Variants in NEDD4 observed in about 807,000 individuals in gnomAD.
The protein encoded by NEDD4 is E3 ubiquitin-protein ligase NEDD4.
A neutral mutation model predicts 144.9 loss-of-function variants in NEDD4; 99 were observed. That is an observed-to-expected ratio of 0.68 (90% CI 0.58 to 0.81). The LOEUF is 0.81. NEDD4 is among the 30% of genes least tolerant of loss of function. The pLI, the probability that NEDD4 is intolerant of heterozygous loss-of-function variation, is 0.00. For synonymous variants in NEDD4, 318 were observed against 350.6 expected (o/e 0.91, Z 1.04); for missense variants, 985 against 1,065.9 (o/e 0.92, Z 1.06).
chr15:55,859,977 A>T (rs974209203), intron 11 of NEDD4, among the ~76,000 whole-genome samples: 9 of 152,176 alleles, frequency 5.9e-5, no homozygotes, highest in African/African-American at 2.2e-4. Flanking sequence ...AAATCATAGA[A>T]TTATCCCTGC....
chr15:55,949,695 G>C (rs369110317), intron 4 of NEDD4, among the ~76,000 whole-genome samples: 18 of 152,016 alleles, frequency 1.2e-4, no homozygotes, highest in South Asian at 4.2e-4. Flanking sequence ...GCAAACTGTC[G>C]CAGGGACAAA....
intron 5 of NEDD4, among the ~76,000 whole-genome samples, chr15:55,905,717 T>C (rs2036068462): frequency 1.3e-5 from 2 of 152,176 alleles, no homozygotes; most frequent in South Asian, 4.1e-4. Context: ...CACTTGTTGA[T>C]GGGGTTGTTT....
At chr15:55,879,617 A>G (rs1281678225) in intron 5 of NEDD4, among the ~76,000 whole-genome samples, 1 of 152,224 alleles carries the variant, frequency 6.6e-6, no homozygotes, top group African/African-American at 2.4e-5. Flanking sequence ...CTGATGAATA[A>G]GAATCAAGTC....
At chr15:55,831,847 T>C (rs2032966304) in intron 27 of NEDD4, among the ~76,000 whole-genome samples, 1 of 152,220 alleles carries the variant, frequency 6.6e-6, no homozygotes, top group Non-Finnish European at 1.5e-5. Context: ...TTGTTCTGAG[T>C]AGGCCTCCTA....
At chr15:55,959,306 T>C (rs1430538499) in intron 2 of NEDD4, among the ~76,000 whole-genome samples, 1 of 152,220 alleles carries the variant, frequency 6.6e-6, no homozygotes, top group African/African-American at 2.4e-5. Flanking sequence ...ATCTGCAGTT[T>C]TTCTAGATCT....
At position 55,830,538 on chromosome 15, in the gene NEDD4, T is replaced by C; in HGVS notation, c.2576A>G (p.Glu859Gly). The change falls in exon 28 of 29, where the codon GAA (glutamate) becomes GGA (glycine). Residue 859 changes from glutamate to glycine, a missense_variant. By Grantham distance (98) the Glu-to-Gly change is moderately conservative. Transcript: ENST00000435532. Reference sequence around the variant, plus strand: ...CCAGGTATGAGCTCTTGGCAGCTTTTCAGGAGTACCCCACTGTTCAACTGT... The same window carrying C: ...CCAGGTATGAGCTCTTGGCAGCTTTCCAGGAGTACCCCACTGTTCAACTGT... ...SFTVEQWGTPEKLPRAHTCFN... is the reference protein window; with the variant it reads ...SFTVEQWGTPGKLPRAHTCFN... 1 of 1,614,150 alleles carries C rather than the reference T, an allele frequency of 6.2e-7. No homozygotes were observed.
intron 27 of NEDD4, among the ~76,000 whole-genome samples, chr15:55,831,994 T>C (rs1474273678): frequency 1.3e-5 from 2 of 152,186 alleles, no homozygotes; most frequent in Non-Finnish European, 2.9e-5. Context: ...ATGGCACTTT[T>C]AAACAAAACA....
intron 4 of NEDD4, among the ~76,000 whole-genome samples, chr15:55,927,445 C>T (rs2036697143): frequency 6.6e-6 from 1 of 152,156 alleles, no homozygotes; most frequent in African/African-American, 2.4e-5. Context: ...CAGGCATGCA[C>T]TACCATGCTC....
chr15:55,983,789 T>C (rs1180366449), intron 1 of NEDD4, among the ~76,000 whole-genome samples: 1 of 152,014 alleles, frequency 6.6e-6, no homozygotes, highest in Non-Finnish European at 1.5e-5. Context: ...TTTTGTATTT[T>C]TGGTAGAGAC....
chr15:55,847,591 C>T (rs1243411710), intron 17 of NEDD4, among the ~76,000 whole-genome samples: 1 of 151,540 alleles, frequency 6.6e-6, no homozygotes, highest in Non-Finnish European at 1.5e-5. Context: ...AAGAGTAGTA[C>T]AATTATCATA....
At chr15:55,990,804 A>C (rs1488071041) in intron 1 of NEDD4, among the ~76,000 whole-genome samples, 1 of 152,196 alleles carries the variant, frequency 6.6e-6, no homozygotes, top group African/African-American at 2.4e-5. Context: ...TCTCCAATAA[A>C]GATCAGTGCA....
At chr15:55,947,197 C>CA (rs1222359643) in intron 4 of NEDD4, among the ~76,000 whole-genome samples, 14 of 152,114 alleles carry the variant, frequency 9.2e-5, no homozygotes, top group South Asian at 4.2e-4. Context: ...AAAAACCCTT[C>CA]AAAAAATCAA....
At chr15:55,986,642 T>C (rs2037898963) in intron 1 of NEDD4, among the ~76,000 whole-genome samples, 1 of 132,628 alleles carries the variant, frequency 7.5e-6, no homozygotes, top group African/African-American at 2.9e-5. Context: ...GAGGCTGGAG[T>C]GCAGTGGCAT....
rs1210747577 is a variant in NEDD4, at chr15:55,889,674, ATAATT to A, written c.292-15671_292-15667del. Among the ~76,000 whole-genome samples, 3 of 152,098 alleles carry A rather than the reference ATAATT, an allele frequency of 2.0e-5. No individual in the cohort carries two copies. The South Asian group carries it at 6.2e-4, about 32-fold the overall frequency. On this transcript the variant is annotated intron_variant, in intron 5 of 28. Transcript: ENST00000435532. Reference sequence around the variant, plus strand: ...CAGAATAGGGTAACTTTAGTCAAAAATAATTTAATTTAGTGTTTTGTTTTGTTTTG... The same window carrying A: ...CAGAATAGGGTAACTTTAGTCAAAAATAATTTAGTGTTTTGTTTTGTTTTG...
chr15:55,860,277 C>T (rs1331679152), intron 11 of NEDD4, 130 bp downstream of exon 11: 2 of 880,970 alleles, frequency 2.3e-6, no homozygotes, highest in East Asian at 2.6e-5. Flanking sequence ...TGTAAAGTCC[C>T]AAGGTCCCTA....
intron 2 of NEDD4, among the ~76,000 whole-genome samples, chr15:55,954,535 T>C (rs1595873187): frequency 6.6e-6 from 1 of 152,218 alleles, no homozygotes; most frequent in Non-Finnish European, 1.5e-5. Context: ...TTTGCCTTTT[T>C]TTTTTTGAGA....
chr15:55,982,799 A>C (rs1396893853), intron 1 of NEDD4, among the ~76,000 whole-genome samples: 4 of 152,166 alleles, frequency 2.6e-5, no homozygotes, highest in African/African-American at 9.6e-5. Flanking sequence ...AAAAACTGAG[A>C]AAGTTCAATT....
intron 4 of NEDD4, among the ~76,000 whole-genome samples, chr15:55,933,908 C>A (rs1425395218): frequency 6.6e-6 from 1 of 152,188 alleles, no homozygotes; most frequent in African/African-American, 2.4e-5. Context: ...AATCCCAGCA[C>A]TTTGGTAGGC....
intron 5 of NEDD4, among the ~76,000 whole-genome samples, chr15:55,874,835 G>A (rs1481353539): frequency 6.6e-6 from 1 of 152,078 alleles, no homozygotes; most frequent in East Asian, 1.9e-4. Flanking sequence ...TTAGCCAGGT[G>A]TGGTGGCACA....
Sources: gnomAD v4.1 joint callset for allele counts (sites outside exome capture counted in the v4.1 genomes callset) on GRCh38, gnomAD v4.1.1 for gene constraint, MANE v1.5 for transcripts, NCBI Gene and HGNC (gene_info 2026-07-23, HGNC 2026-07-21) for gene names.